Variants in KIAA1328 observed in about 807,000 individuals in gnomAD.
KIAA1328 encodes protein hinderin.
Under a neutral mutation model 68.1 loss-of-function variants are expected in KIAA1328, and 52 were observed. That is an observed-to-expected ratio of 0.76 (90% confidence interval 0.61 to 0.96). KIAA1328 has a LOEUF of 0.96. Among genes scored for constraint, KIAA1328 ranks in the 40% least tolerant of loss-of-function variants. The pLI is 0.00. For synonymous variants in KIAA1328, 232 were observed against 239.4 expected, an observed-to-expected ratio of 0.97 and a Z score of 0.28; for missense variants, 641 against 677.6, an observed-to-expected ratio of 0.95 and a Z score of 0.60.
At chr18:37,007,623 G>T (rs1480374647) in intron 6 of KIAA1328, among the ~76,000 whole-genome samples, 1 of 152,096 alleles carries the variant, frequency 6.6e-6, no homozygotes, top group African/African-American at 2.4e-5. Context: ...AAATAGAAGA[G>T]GAGCCAATCT....
intron 6 of KIAA1328, among the ~76,000 whole-genome samples, chr18:37,041,249 T>G (rs1179388645): frequency 6.6e-6 from 1 of 151,986 alleles, no homozygotes; most frequent in Admixed American, 6.6e-5. Context: ...TACATATATT[T>G]ATAATTATTA....
At chr18:37,025,473 G>A (rs2054532540) in intron 6 of KIAA1328, among the ~76,000 whole-genome samples, 1 of 152,162 alleles carries the variant, frequency 6.6e-6, no homozygotes, top group African/African-American at 2.4e-5. Context: ...ATAGTTGGAA[G>A]TAAAGCACTC....
chr18:37,215,891 C>T (rs960647663), intron 9 of KIAA1328, among the ~76,000 whole-genome samples: 3 of 152,078 alleles, frequency 2.0e-5, no homozygotes, highest in South Asian at 2.1e-4. Context: ...GTGTATGTGT[C>T]GAGGAATTTA....
intron 5 of KIAA1328, among the ~76,000 whole-genome samples, chr18:36,942,653 C>T (rs2050757181): frequency 1.3e-5 from 2 of 152,028 alleles, no homozygotes; most frequent in African/African-American, 4.8e-5. Flanking sequence ...AAACAAAATC[C>T]AGATTAATTT....
At chr18:36,847,178 G>A (rs775754645) in intron 4 of KIAA1328, among the ~76,000 whole-genome samples, 3 of 151,360 alleles carry the variant, frequency 2.0e-5, no homozygotes, top group Non-Finnish European at 3.0e-5. Context: ...CTATTAATGG[G>A]CATTTGGGTT....
At chr18:36,934,537 A>G (rs965899374) in intron 5 of KIAA1328, among the ~76,000 whole-genome samples, 2 of 151,588 alleles carry the variant, frequency 1.3e-5, no homozygotes, top group African/African-American at 2.4e-5. Context: ...TTCAATTCCC[A>G]CCTATGAGTG....
chr18:36,854,128 A>G (rs1039747911), intron 4 of KIAA1328, among the ~76,000 whole-genome samples: 34 of 152,316 alleles, frequency 2.2e-4, no homozygotes, highest in African/African-American at 7.5e-4. Context: ...ACGGTTACCT[A>G]TATAAGAAGA....
intron 5 of KIAA1328, among the ~76,000 whole-genome samples, chr18:36,938,424 CCT>C (rs2050584612): frequency 6.6e-6 from 1 of 152,058 alleles, no homozygotes; most frequent in African/African-American, 2.4e-5. Flanking sequence ...CTATTTAGGT[CCT>C]TTGCCCATAT....
chr18:37,054,510 C>T (rs181734054), intron 6 of KIAA1328, among the ~76,000 whole-genome samples: 19 of 152,202 alleles, frequency 1.2e-4, no homozygotes, highest in Admixed American at 6.6e-4. Context: ...CATCCTTTGC[C>T]GGAAAATGGA....
chr18:37,163,219 A>G (rs569949584), intron 8 of KIAA1328, among the ~76,000 whole-genome samples: 4 of 152,188 alleles, frequency 2.6e-5, no homozygotes, highest in African/African-American at 4.8e-5. Flanking sequence ...AACTGAGGGC[A>G]TTTTTTTCTT....
intron 5 of KIAA1328, chr18:36,954,410 T>A (rs1429847852): frequency 6.6e-6 from 1 of 152,186 alleles, no homozygotes; most frequent in Non-Finnish European, 1.5e-5. Context: ...CATACATAAT[T>A]TCTGTTTTTC....
intron 7 of KIAA1328, among the ~76,000 whole-genome samples, chr18:37,074,488 A>T (rs2056643561): frequency 6.6e-6 from 1 of 151,984 alleles, no homozygotes; most frequent in Admixed American, 6.6e-5. Context: ...GGCTTTGTTC[A>T]TTTCCTTTTA....
intron 5 of KIAA1328, among the ~76,000 whole-genome samples, chr18:36,920,386 CTATCCAGTTCCATTGGTCTATGTGTCTTT>C (rs768724115): frequency 6.6e-6 from 1 of 152,112 alleles, no homozygotes; most frequent in Non-Finnish European, 1.5e-5. Flanking sequence ...TCTGTGTTCT[CTATCCAGTTCCATTGGTCTATGTGTCTTT>C]TTTTTTGTGC....
intron 5 of KIAA1328, among the ~76,000 whole-genome samples, chr18:36,906,281 C>T (rs1426653333): frequency 1.1e-4 from 17 of 152,110 alleles, no homozygotes; most frequent in Admixed American, 1.1e-3. Context: ...GTTATGTATT[C>T]ACCATACAGT....
chr18:37,033,162 T>A (rs1300866000), intron 6 of KIAA1328, among the ~76,000 whole-genome samples: 1 of 152,230 alleles, frequency 6.6e-6, no homozygotes, highest in Admixed American at 6.5e-5. Flanking sequence ...ATCATTACAT[T>A]CATGTTTTCC....
At chr18:37,209,077 T>A (rs957603994) in intron 9 of KIAA1328, among the ~76,000 whole-genome samples, 5 of 152,192 alleles carry the variant, frequency 3.3e-5, no homozygotes, top group African/African-American at 1.2e-4. Flanking sequence ...CTGAAGTCAT[T>A]AAAGATAATG....
chr18:37,050,354 C>G (rs1223372397), intron 6 of KIAA1328, among the ~76,000 whole-genome samples: 5 of 152,016 alleles, frequency 3.3e-5, no homozygotes, highest in Non-Finnish European at 5.9e-5. Context: ...TTATTTTATA[C>G]CTCTGAAGAC....
intron 7 of KIAA1328, among the ~76,000 whole-genome samples, chr18:37,109,641 T>C (rs1339861410): frequency 2.6e-5 from 4 of 152,172 alleles, no homozygotes; most frequent in Non-Finnish European, 4.4e-5. Flanking sequence ...TCCTGAAAAA[T>C]GTTGCTGCTA....
Position 37,223,347 on chromosome 18 carries a change from G to A in KIAA1328, c.*1120G>A. 1.0e-6 allele frequency: 1 copy of A among 985,372 alleles called. No homozygotes were observed. The allele number at this position is 985,372 out of a possible 1,614,324, so 61.0% of individuals were successfully genotyped here. A position where few individuals can be genotyped will look rare whatever the true frequency, so the allele number is the denominator to read the frequency against. On this transcript the variant is annotated 3_prime_UTR_variant, in exon 10 of 10. Coordinates refer to ENST00000280020, the MANE Select transcript of KIAA1328 (RefSeq NM_020776.3). ...CCCAGAGAAAGCCTATGGAAGTTAT[G>A]CAGTGCAGACCTCATCCTGTCTGCT...
Sources: allele counts gnomAD v4.1 joint callset (sites outside exome capture counted in the v4.1 genomes callset), GRCh38; gene constraint gnomAD v4.1.1; transcripts MANE v1.5; gene names NCBI Gene and HGNC (gene_info 2026-07-23, HGNC 2026-07-21).